Variants in CA5B observed in about 807,000 individuals in gnomAD.
The protein encoded by CA5B is carbonic anhydrase 5B, also known as carbonic anhydrase 5B, mitochondrial.
CA5B carries 15 observed loss-of-function variants against 23.1 expected under a neutral mutation model. That is an observed-to-expected ratio of 0.65 (90% CI 0.43 to 1.00). CA5B has a LOEUF of 1.00. Ranked by LOEUF, CA5B falls within the 50% of genes least tolerant of loss-of-function variation. The pLI is 0.00. For missense variants in CA5B, 236 were observed against 252.2 expected (o/e 0.94, Z 0.43); for synonymous variants, 84 against 98.5 (o/e 0.85, Z 0.87).
intron 2 of CA5B, among the ~76,000 whole-genome samples, chrX:15,764,355 T>C (rs1464984358): frequency 2.7e-5 from 3 of 110,009 alleles, no homozygotes; most frequent in African/African-American, 6.6e-5. Flanking sequence ...CCTCCCACTT[T>C]AGCTTCCCCG....
At chrX:15,741,343 C>T (rs1210065455) in intron 1 of CA5B, among the ~76,000 whole-genome samples, 6 of 96,313 alleles carry the variant, frequency 6.2e-5, no homozygotes, top group Non-Finnish European at 1.0e-4. Context: ...GCTGGGATTA[C>T]AGGCGTGAGC....
At chrX:15,767,072 A>G (rs1931723691) in intron 3 of CA5B, 2 of 892,235 alleles carry the variant, frequency 2.2e-6, no homozygotes, top group Non-Finnish European at 2.8e-6. Flanking sequence ...TATCCTTGCC[A>G]GACGTAAACT....
At position 15,751,661 on chromosome X, in the gene CA5B, G is replaced by C. The variant is rs780977017; in HGVS notation, c.142+1496G>C. Among the ~76,000 whole-genome samples, 4 of 110,531 alleles carry C rather than the reference G, an allele frequency of 3.6e-5. No individual in the cohort carries two copies. The Admixed American group carries it at 3.9e-4, about 11-fold the overall frequency. On this transcript the variant is annotated intron_variant, in intron 2 of 7. Coordinates refer to ENST00000318636, the MANE Select transcript of CA5B (RefSeq NM_007220.4). ...AACAGTAGTGGCTTCGGGAGGGGCAGTTTTACTTAGTGAATTTCCCACAAC... is the reference window on the plus strand; with the variant it reads ...AACAGTAGTGGCTTCGGGAGGGGCACTTTTACTTAGTGAATTTCCCACAAC...
At chrX:15,767,034 C>CTA in intron 3 of CA5B, 11 of 822,935 alleles carry the variant, frequency 1.3e-5, no homozygotes, top group Non-Finnish European at 1.6e-5. Context: ...CTGGTGAGCT[C>CTA]TACTTGTCCC....
intron 1 of CA5B, among the ~76,000 whole-genome samples, chrX:15,745,232 G>C (rs1182756439): frequency 1.9e-5 from 2 of 106,887 alleles, no homozygotes; most frequent in Non-Finnish European, 3.9e-5. Context: ...ATTATACTAA[G>C]TAAAATAAGC....
rs745998551 is a variant in CA5B at position 15,781,132 on chromosome X, C to G, written c.775-1353C>G. 2.7e-5 allele frequency among the ~76,000 whole-genome samples: 3 copies of G among 110,751 alleles called. No homozygotes were observed. The South Asian group carries it at 1.2e-3, about 43-fold the overall frequency. On this transcript the variant is annotated intron_variant, in intron 7 of 7. Coordinates refer to ENST00000318636, the MANE Select transcript of CA5B (RefSeq NM_007220.4). ...AGCTGGGATTACAGGCATGAGCCAC[C>G]ACGCCCAGCTAATTTTGTAATTTTA...
chrX:15,758,158 T>C (rs1931532087), intron 2 of CA5B, among the ~76,000 whole-genome samples: 1 of 112,155 alleles, frequency 8.9e-6, no homozygotes, highest in Non-Finnish European at 1.9e-5. Context: ...AACTGTCTTA[T>C]TCTGTTTGGG....
At chrX:15,761,175 C>T (rs1396687300) in intron 2 of CA5B, among the ~76,000 whole-genome samples, 1 of 88,368 alleles carries the variant, frequency 1.1e-5, no homozygotes, top group Non-Finnish European at 2.8e-5. Context: ...TTGTTAATTT[C>T]TTTCTTTTTT....
At chrX:15,782,369 CCTT>C (rs1932039663) in intron 7 of CA5B, 113 bp from the exon 8 acceptor site, 1 of 693,680 alleles carries the variant, frequency 1.4e-6, no homozygotes, top group Admixed American at 3.1e-5. Flanking sequence ...AATAACTTCT[CCTT>C]CTGTATCTAA....
intron 1 of CA5B, among the ~76,000 whole-genome samples, chrX:15,745,117 C>T (rs1370792678): frequency 7.2e-5 from 7 of 97,828 alleles, no homozygotes; most frequent in African/African-American, 2.3e-4. Context: ...TGCAGTGAGC[C>T]GAGATCGCAC....
intron 2 of CA5B, among the ~76,000 whole-genome samples, chrX:15,752,704 G>C (rs184513766): frequency 2.9e-5 from 3 of 101,792 alleles, no homozygotes; most frequent in Non-Finnish European, 6.0e-5. Context: ...CAGCCTGGGC[G>C]ACAGAGCGAG....
chrX:15,775,795 C>T, intron 6 of CA5B: 1 of 743,122 alleles, frequency 1.3e-6, no homozygotes, highest in Non-Finnish European at 1.6e-6. Context: ...CCCATATATT[C>T]TCTTCTTCTC....
At chrX:15,769,531 T>G (rs922301541) in intron 3 of CA5B, 10 of 751,777 alleles carry the variant, frequency 1.3e-5, no homozygotes, top group Middle Eastern at 1.5e-3. Flanking sequence ...TTTGTTCTCC[T>G]CCTCAGGGTG....
intron 6 of CA5B, 141 bp from the exon 7 acceptor site, chrX:15,776,573 G>A: frequency 2.2e-6 from 1 of 457,269 alleles, no homozygotes; most frequent in Non-Finnish European, 3.8e-6. Flanking sequence ...CGATTCTTCA[G>A]GTAGCTGCCC....
chrX:15,761,070 T>A (rs1468931784), intron 2 of CA5B, among the ~76,000 whole-genome samples: 1 of 112,129 alleles, frequency 8.9e-6, no homozygotes, highest in Non-Finnish European at 1.9e-5. Context: ...GTATATTATA[T>A]GTTATTGGAT....
intron 1 of CA5B, among the ~76,000 whole-genome samples, chrX:15,748,799 A>G (rs1931296424): frequency 9.7e-6 from 1 of 102,861 alleles, no homozygotes; most frequent in South Asian, 4.5e-4. Context: ...CTGTAATCCC[A>G]GCACTTTGGG....
intron 2 of CA5B, among the ~76,000 whole-genome samples, chrX:15,750,827 G>A (rs866449492): frequency 8.9e-6 from 1 of 111,796 alleles, no homozygotes; most frequent in African/African-American, 3.3e-5. Flanking sequence ...GCCCATGTCC[G>A]GATGTGGCAG....
intron 1 of CA5B, among the ~76,000 whole-genome samples, chrX:15,747,596 G>C (rs762730853): frequency 2.7e-5 from 3 of 110,969 alleles, no homozygotes; most frequent in East Asian, 5.7e-4. Context: ...GGGTACATGG[G>C]TGGTTTTATT....
chrX:15,740,869 G>C (rs1931105252), intron 1 of CA5B, among the ~76,000 whole-genome samples: 1 of 111,735 alleles, frequency 8.9e-6, no homozygotes, highest in African/African-American at 3.3e-5. Flanking sequence ...TTCGAGACCA[G>C]CCTGGACAAC....
Sources: allele counts gnomAD v4.1 joint callset (sites outside exome capture counted in the v4.1 genomes callset), GRCh38; gene constraint gnomAD v4.1.1; transcripts MANE v1.5; gene names NCBI Gene and HGNC (gene_info 2026-07-23, HGNC 2026-07-21).